PTPRR: variants seen among roughly 807,000 people sequenced by gnomAD.
The protein encoded by PTPRR is receptor-type tyrosine-protein phosphatase R.
PTPRR carries 38 observed loss-of-function variants against 77.2 expected under a neutral mutation model. The observed-to-expected ratio is 0.49, with a 90% CI of 0.38 to 0.65. The LOEUF is 0.65. PTPRR is among the 30% of genes least tolerant of loss of function. PTPRR has a pLI of 0.00. For synonymous variants in PTPRR, 299 were observed against 283.1 expected (o/e 1.06, Z -0.57); for missense variants, 744 against 799.2 (o/e 0.93, Z 0.83).
At chr12:70,866,530 G>A (rs1482350381) in intron 2 of PTPRR, among the ~76,000 whole-genome samples, 2 of 152,154 alleles carry the variant, frequency 1.3e-5, no homozygotes, top group Non-Finnish European at 2.9e-5. Context: ...TGAAATTGTG[G>A]CAATAATCAA....
intron 2 of PTPRR, among the ~76,000 whole-genome samples, chr12:70,818,099 C>T (rs1891937551): frequency 6.6e-6 from 1 of 151,970 alleles, no homozygotes; most frequent in Admixed American, 6.6e-5. Context: ...GTAATCCTAG[C>T]TACTCAGGAG....
At chr12:70,730,169 T>C (rs1452633875) in intron 6 of PTPRR, among the ~76,000 whole-genome samples, 1 of 152,156 alleles carries the variant, frequency 6.6e-6, no homozygotes, top group Non-Finnish European at 1.5e-5. Flanking sequence ...TTTTACAGTA[T>C]AGTGCTGTTT....
chr12:70,848,685 G>GA (rs1384599066), intron 2 of PTPRR, among the ~76,000 whole-genome samples: 1 of 152,120 alleles, frequency 6.6e-6, no homozygotes, highest in East Asian at 1.9e-4. Context: ...TAAGAATGCA[G>GA]ATGTACTTTA....
At chr12:70,825,143 C>T (rs377077833) in intron 2 of PTPRR, among the ~76,000 whole-genome samples, 6 of 151,974 alleles carry the variant, frequency 3.9e-5, no homozygotes, top group South Asian at 2.1e-4. Flanking sequence ...ATTAGCCAGG[C>T]GTGGTGGGCC....
At chr12:70,653,811 G>T (rs1264380663) in intron 13 of PTPRR, among the ~76,000 whole-genome samples, 4 of 152,156 alleles carry the variant, frequency 2.6e-5, no homozygotes, top group African/African-American at 9.7e-5. Flanking sequence ...CCAAAAAAAT[G>T]GTGGAATCTG....
intron 2 of PTPRR, among the ~76,000 whole-genome samples, chr12:70,786,761 T>C (rs1271323377): frequency 6.6e-6 from 1 of 152,236 alleles, no homozygotes; most frequent in Non-Finnish European, 1.5e-5. Context: ...TGGTGAACTA[T>C]ACAATTCTCC....
intron 2 of PTPRR, among the ~76,000 whole-genome samples, chr12:70,834,158 T>C (rs1006957151): frequency 6.6e-6 from 1 of 152,230 alleles, no homozygotes; most frequent in Non-Finnish European, 1.5e-5. Context: ...ATGGCAACCA[T>C]ACAGCATTTC....
At chr12:70,648,359 G>C (rs1332918691) in intron 13 of PTPRR, among the ~76,000 whole-genome samples, 47 of 152,158 alleles carry the variant, frequency 3.1e-4, no homozygotes, top group Admixed American at 3.1e-3. Context: ...AGCTGAGAGG[G>C]ATCTCAGAAA....
At chr12:70,846,493 T>A (rs1035256614) in intron 2 of PTPRR, among the ~76,000 whole-genome samples, 4 of 152,118 alleles carry the variant, frequency 2.6e-5, no homozygotes, top group Admixed American at 6.6e-5. Flanking sequence ...ATATAGGCAT[T>A]GCTATTGTGT....
intron 2 of PTPRR, among the ~76,000 whole-genome samples, chr12:70,883,850 A>G (rs1473930450): frequency 1.3e-5 from 2 of 152,222 alleles, no homozygotes; most frequent in Non-Finnish European, 2.9e-5. Context: ...AAGAATTTAT[A>G]CAATGAAGCT....
intron 12 of PTPRR, among the ~76,000 whole-genome samples, chr12:70,660,377 G>T (rs879919823): frequency 3.3e-5 from 5 of 152,082 alleles, no homozygotes; most frequent in Non-Finnish European, 5.9e-5. Flanking sequence ...GGCCTCTAGT[G>T]CTCCATGTTC....
chr12:70,920,233 A>G, intron 1 of PTPRR, 100 bp downstream of exon 1: 1 of 1,321,836 alleles, frequency 7.6e-7, no homozygotes. Context: ...ACCTTTTTAG[A>G]AAGGCTTTCT....
At chr12:70,692,135 T>C (rs1468466382) in intron 8 of PTPRR, among the ~76,000 whole-genome samples, 3 of 152,234 alleles carry the variant, frequency 2.0e-5, no homozygotes, top group Non-Finnish European at 4.4e-5. Context: ...ACTGCAGGAC[T>C]TCTCAGGGTC....
intron 2 of PTPRR, among the ~76,000 whole-genome samples, chr12:70,865,608 A>C (rs1892830462): frequency 6.6e-6 from 1 of 152,208 alleles, no homozygotes; most frequent in African/African-American, 2.4e-5. Flanking sequence ...CTGAATGATA[A>C]CGCTCATCCT....
chr12:70,855,928 G>A (rs890592878), intron 2 of PTPRR, among the ~76,000 whole-genome samples: 11 of 152,078 alleles, frequency 7.2e-5, no homozygotes, highest in African/African-American at 2.7e-4. Flanking sequence ...ATCTTCTGAA[G>A]TTGCTCCTAA....
intron 2 of PTPRR, among the ~76,000 whole-genome samples, chr12:70,862,596 G>T (rs1165816300): frequency 8.4e-6 from 1 of 119,574 alleles, no homozygotes; most frequent in South Asian, 3.4e-4. Flanking sequence ...GTTGTGGGGT[G>T]GGGGGAGGGG....
intron 2 of PTPRR, among the ~76,000 whole-genome samples, chr12:70,844,124 T>C (rs1241331867): frequency 6.6e-6 from 1 of 152,002 alleles, no homozygotes. Flanking sequence ...CTTAAAAAAA[T>C]TATCGAATTA....
chr12:70,884,957 T>G (rs577250251), intron 2 of PTPRR, among the ~76,000 whole-genome samples: 1 of 151,698 alleles, frequency 6.6e-6, no homozygotes, highest in Non-Finnish European at 1.5e-5. Context: ...AGATAAGTTC[T>G]GAAATAGAAT....
intron 2 of PTPRR, among the ~76,000 whole-genome samples, chr12:70,786,057 G>A (rs780153308): frequency 4.6e-5 from 7 of 152,130 alleles, no homozygotes; most frequent in Non-Finnish European, 1.0e-4. Context: ...AGTTGAAAAT[G>A]ACTGGAATCA....
Sources: allele counts gnomAD v4.1 joint callset (sites outside exome capture counted in the v4.1 genomes callset), GRCh38; gene constraint gnomAD v4.1.1; transcripts MANE v1.5; gene names NCBI Gene and HGNC (gene_info 2026-07-23, HGNC 2026-07-21).